GBE1: variants seen among roughly 807,000 people sequenced by gnomAD.
The protein encoded by GBE1 is 1,4-alpha-glucan branching enzyme 1, also known as 1,4-alpha-glucan-branching enzyme.
A neutral mutation model predicts 88.8 loss-of-function variants in GBE1; 70 were observed. The observed-to-expected ratio is 0.79, with a 90% CI of 0.65 to 0.96. GBE1 has a LOEUF of 0.96. Among genes scored for constraint, GBE1 ranks in the 40% least tolerant of loss-of-function variants. GBE1 has a pLI of 0.00. For synonymous variants in GBE1, 284 were observed against 300.1 expected, an observed-to-expected ratio of 0.95 and a Z score of 0.56; for missense variants, 872 against 871.0, an observed-to-expected ratio of 1.00 and a Z score of -0.01.
chr3:81,703,864 A>C (rs1207031686), intron 2 of GBE1, among the ~76,000 whole-genome samples: 2 of 152,028 alleles, frequency 1.3e-5, no homozygotes, highest in Admixed American at 1.3e-4. Flanking sequence ...TGGGTATTGT[A>C]AATAATCCAG....
intron 1 of GBE1, among the ~76,000 whole-genome samples, chr3:81,759,247 C>T (rs1322046022): frequency 6.6e-6 from 1 of 152,126 alleles, no homozygotes; most frequent in Non-Finnish European, 1.5e-5. Context: ...AGGGAACATC[C>T]AAAAAATTTC....
chr3:81,640,878 C>T (rs938298637), intron 7 of GBE1, among the ~76,000 whole-genome samples: 6 of 151,728 alleles, frequency 4.0e-5, no homozygotes, highest in African/African-American at 1.5e-4. Context: ...CTATAGGATG[C>T]TTTATTTACC....
intron 3 of GBE1, among the ~76,000 whole-genome samples, chr3:81,655,289 G>C (rs1704917763): frequency 6.6e-6 from 1 of 151,606 alleles, no homozygotes; most frequent in Non-Finnish European, 1.5e-5. Flanking sequence ...CAGGTGATCT[G>C]CCCACTTCAG....
chr3:81,758,628 T>C (rs956853645), intron 1 of GBE1, among the ~76,000 whole-genome samples: 1 of 152,256 alleles, frequency 6.6e-6, no homozygotes, highest in African/African-American at 2.4e-5. Flanking sequence ...TAACAACTAA[T>C]TGTAGTGTAA....
chr3:81,737,901 C>A (rs6771266), intron 1 of GBE1, among the ~76,000 whole-genome samples: 8 of 151,842 alleles, frequency 5.3e-5, no homozygotes, highest in African/African-American at 1.5e-4. Context: ...ATTCCTCCCC[C>A]CTTCCCCCAC....
At chr3:81,759,046 G>C (rs1160664697) in intron 1 of GBE1, among the ~76,000 whole-genome samples, 3 of 152,212 alleles carry the variant, frequency 2.0e-5, no homozygotes, top group Non-Finnish European at 4.4e-5. Flanking sequence ...GCCACCATGT[G>C]AGACATGACT....
intron 14 of GBE1, among the ~76,000 whole-genome samples, chr3:81,519,203 G>C (rs375370602): frequency 6.6e-6 from 1 of 151,570 alleles, no homozygotes; most frequent in South Asian, 2.1e-4. Context: ...TTGCTTATTA[G>C]AAACTCTGTG....
rs1491583586 is a variant in GBE1, at chr3:81,750,658, T to TATATATATATATGTATATATATAC, written c.143+10716_143+10717insGTATATATATACATATATATATAT. On this transcript the variant is annotated intron_variant, in intron 1 of 15. Coordinates refer to ENST00000429644, the MANE Select transcript of GBE1 (RefSeq NM_000158.4). Reference sequence around the variant, plus strand: ...ATATATATATATGTATATATATATATGTATATATATATATACGTATATATA... The same window carrying TATATATATATATGTATATATATAC: ...ATATATATATATGTATATATATATATATATATATATATGTATATATATACGTATATATATATATACGTATATATA... Among the ~76,000 whole-genome samples the TATATATATATATGTATATATATAC allele has an allele frequency of 8.8e-5, 5 of 56,974 alleles. 1 individual carries two copies. Among genetic ancestry groups the TATATATATATATGTATATATATAC allele is most frequent in the Admixed American group, 4.0e-4 (2 of 4,978 alleles). 37.4% of individuals were successfully genotyped at this position (56,974 alleles called of 152,430 possible).
chr3:81,521,066 C>T (rs1312301006), intron 14 of GBE1, among the ~76,000 whole-genome samples: 1 of 151,514 alleles, frequency 6.6e-6, no homozygotes, highest in Admixed American at 6.6e-5. Context: ...ACCTCCAAAA[C>T]AGCTCCCCTT....
chr3:81,602,050 TGGGAG>T (rs1320891965), intron 7 of GBE1, among the ~76,000 whole-genome samples: 2 of 152,126 alleles, frequency 1.3e-5, no homozygotes, highest in African/African-American at 4.8e-5. Context: ...AGAATAAATA[TGGGAG>T]TATGAGACTG....
chr3:81,499,307 A>G, intron 14 of GBE1, 80 bp from the exon 15 acceptor site: 2 of 826,726 alleles, frequency 2.4e-6, no homozygotes, highest in East Asian at 2.6e-5. Flanking sequence ...GCAATTTAGA[A>G]GTGAGTTTTT....
intron 7 of GBE1, among the ~76,000 whole-genome samples, chr3:81,641,489 A>G (rs1004976032): frequency 6.6e-6 from 1 of 152,148 alleles, no homozygotes; most frequent in Non-Finnish European, 1.5e-5. Flanking sequence ...AAAAGGTGAC[A>G]TGAATACAAA....
At chr3:81,646,225 T>A (rs1046346139) in intron 6 of GBE1, among the ~76,000 whole-genome samples, 167 bp downstream of exon 6, 1 of 152,184 alleles carries the variant, frequency 6.6e-6, no homozygotes, top group East Asian at 1.9e-4. Context: ...TTTCTAAGGC[T>A]GGAGGAGAAG....
intron 1 of GBE1, among the ~76,000 whole-genome samples, chr3:81,714,140 G>A (rs1168188196): frequency 6.6e-6 from 1 of 152,114 alleles, no homozygotes; most frequent in Non-Finnish European, 1.5e-5. Context: ...ATTCCACAAA[G>A]ACTGGGAAAA....
chr3:81,633,763 T>G (rs1576178754), intron 7 of GBE1, among the ~76,000 whole-genome samples: 1 of 152,298 alleles, frequency 6.6e-6, no homozygotes, highest in East Asian at 1.9e-4. Context: ...TAGTTGTCCT[T>G]ATTAGATTTG....
At chr3:81,554,684 T>A (rs1471310207) in intron 12 of GBE1, among the ~76,000 whole-genome samples, 1 of 152,168 alleles carries the variant, frequency 6.6e-6, no homozygotes, top group African/African-American at 2.4e-5. Context: ...AGTAAGAACA[T>A]GTTTCCTTAA....
Position 81,591,098 on chromosome 3 carries a change from T to C in GBE1, c.1175A>G (p.Tyr392Cys). 1 of 1,609,522 alleles carries C rather than the reference T, an allele frequency of 6.2e-7. No individual in the cohort carries two copies. The highest frequency in any genetic ancestry group is 8.5e-7 in the Non-Finnish European group (1 of 1,177,438). ...AACCAAATGATTTGCCAACATGAGGTAAGTCAAGGCATCTTCATCTACTTG... is the reference window on the plus strand; with the variant it reads ...AACCAAATGATTTGCCAACATGAGGCAAGTCAAGGCATCTTCATCTACTTG... ...GLQVDEDALT[Y>C]LMLANHLVHT... is the part of the protein sequence containing the mutation. Residue 392 changes from tyrosine (Y) to cysteine (C), a missense_variant, in exon 9 of 16, where the codon TAC (tyrosine) becomes TGC (cysteine). Transcript: ENST00000429644.
chr3:81,662,995 T>G (rs1705051702), intron 3 of GBE1, among the ~76,000 whole-genome samples: 1 of 152,224 alleles, frequency 6.6e-6, no homozygotes, highest in South Asian at 2.1e-4. Flanking sequence ...TGATGCTTAA[T>G]GTAATAAAAT....
intron 11 of GBE1, 26 bp downstream of exon 11, chr3:81,581,139 A>G: frequency 7.6e-7 from 1 of 1,311,462 alleles, no homozygotes; most frequent in Non-Finnish European, 1.1e-6. Flanking sequence ...AGAGAAATAA[A>G]TGAATTTATG....
Sources: allele counts gnomAD v4.1 joint callset (sites outside exome capture counted in the v4.1 genomes callset), GRCh38; gene constraint gnomAD v4.1.1; transcripts MANE v1.5; gene names NCBI Gene and HGNC (gene_info 2026-07-23, HGNC 2026-07-21).